The following VPS13B variants were observed in gnomAD, a reference collection of about 807,000 sequenced individuals.
VPS13B encodes intermembrane lipid transfer protein VPS13B.
A neutral mutation model predicts 426.4 loss-of-function variants in VPS13B; 285 were observed. The observed-to-expected ratio is 0.67, with a 90% CI of 0.61 to 0.74. The LOEUF (loss-of-function observed/expected upper bound fraction) is 0.74, where lower values mean the gene tolerates loss of function less well. VPS13B is among the 30% of genes least tolerant of loss of function. VPS13B has a pLI of 0.00. For synonymous variants in VPS13B, 1,676 were observed against 1,676.4 expected (o/e 1.00, Z 0.01); for missense variants, 4,537 against 4,782.6 (o/e 0.95, Z 1.51).
intron 39 of VPS13B, among the ~76,000 whole-genome samples, chr8:99,728,077 G>A (rs747758471): frequency 2.6e-5 from 4 of 152,188 alleles, no homozygotes; most frequent in Non-Finnish European, 5.9e-5. Flanking sequence ...CAGACTGCTT[G>A]GCAGTTATAC....
intron 17 of VPS13B, chr8:99,233,326 A>C: frequency 9.2e-7 from 1 of 1,084,664 alleles, no homozygotes; most frequent in Non-Finnish European, 1.4e-6. Context: ...TTCCAGCTTC[A>C]CTTCTTCTTT....
Position 99,876,758 on chromosome 8 carries a change from C to G in VPS13B, c.*1092C>G, listed in dbSNP as rs1817718045. 1 of 152,154 alleles carries G rather than the reference C, an allele frequency of 6.6e-6. No individual in the cohort carries two copies. Among genetic ancestry groups the G allele is most frequent in the Non-Finnish European group, 1.5e-5 (1 of 68,028 alleles). The allele number at this position is 152,154 out of a possible 1,614,324, so 9.4% of individuals were successfully genotyped here. ...TTTCTTACAGTCCAGTAGCTTAGAG[C>G]ATGTTTGCTGATTGATATTACATTT... is the stretch of plus-strand genomic sequence containing the variant. On this transcript the variant is annotated 3_prime_UTR_variant, in exon 62 of 62. Transcript: ENST00000357162.
chr8:99,558,590 T>A (rs1324096157), intron 31 of VPS13B, among the ~76,000 whole-genome samples: 2 of 152,008 alleles, frequency 1.3e-5, no homozygotes, highest in Non-Finnish European at 2.9e-5. Flanking sequence ...CCCCAGTATG[T>A]GATGCTCCCC....
chr8:99,417,962 G>A (rs1816125493), intron 21 of VPS13B, among the ~76,000 whole-genome samples: 1 of 152,088 alleles, frequency 6.6e-6, no homozygotes, highest in South Asian at 2.1e-4. Context: ...AATAAAAAAA[G>A]AAACCTAGGT....
intron 14 of VPS13B, among the ~76,000 whole-genome samples, chr8:99,151,469 C>T (rs1811074868): frequency 6.6e-6 from 1 of 151,948 alleles, no homozygotes; most frequent in African/African-American, 2.4e-5. Context: ...CAGCTTGTAT[C>T]CTTTACGAAT....
chr8:99,427,395 G>A (rs544021050), intron 21 of VPS13B, among the ~76,000 whole-genome samples: 588 of 145,238 alleles, frequency 4.0e-3, no homozygotes, highest in Non-Finnish European at 6.6e-3. Flanking sequence ...TTGGCAATGC[G>A]GGCTCTTTTT....
intron 44 of VPS13B, among the ~76,000 whole-genome samples, chr8:99,811,735 A>C (rs1299580574): frequency 6.6e-6 from 1 of 152,124 alleles, no homozygotes. Context: ...TCCGCTTGCT[A>C]GCTGTGTGAT....
intron 17 of VPS13B, among the ~76,000 whole-genome samples, chr8:99,220,536 C>T (rs927612517): frequency 6.6e-6 from 1 of 152,076 alleles, no homozygotes; most frequent in Non-Finnish European, 1.5e-5. Flanking sequence ...TTCTCTAAGA[C>T]ACAGAAGAAG....
chr8:99,152,129 G>A (rs1182395860), intron 14 of VPS13B, among the ~76,000 whole-genome samples: 1 of 151,872 alleles, frequency 6.6e-6, no homozygotes, highest in Non-Finnish European at 1.5e-5. Context: ...TTCCTTTTTT[G>A]TAATATATGA....
At chr8:99,077,894 T>TA (rs746785614) in intron 3 of VPS13B, among the ~76,000 whole-genome samples, 1 of 152,138 alleles carries the variant, frequency 6.6e-6, no homozygotes, top group African/African-American at 2.4e-5. Context: ...GTTAGATATT[T>TA]AAAAAAGAAA....
intron 3 of VPS13B, among the ~76,000 whole-genome samples, chr8:99,063,814 C>A (rs891079336): frequency 6.6e-6 from 1 of 152,162 alleles, no homozygotes; most frequent in South Asian, 2.1e-4. Context: ...AGACACCTCC[C>A]AGTAGGGGCC....
At chr8:99,263,808 G>T (rs756207872) in intron 17 of VPS13B, among the ~76,000 whole-genome samples, 1 of 152,072 alleles carries the variant, frequency 6.6e-6, no homozygotes, top group Non-Finnish European at 1.5e-5. Context: ...AGGTCCTGAG[G>T]TTTAGCATAT....
intron 3 of VPS13B, among the ~76,000 whole-genome samples, chr8:99,067,137 T>C (rs941674493): frequency 6.6e-6 from 1 of 152,196 alleles, no homozygotes; most frequent in Non-Finnish European, 1.5e-5. Flanking sequence ...GCCATCCCGT[T>C]ACTAGGTATA....
intron 33 of VPS13B, among the ~76,000 whole-genome samples, chr8:99,638,040 T>A (rs1829140169): frequency 6.6e-6 from 1 of 152,150 alleles, no homozygotes; most frequent in Non-Finnish European, 1.5e-5. Flanking sequence ...ATGTGAGAAT[T>A]CCTAGTTGGT....
At chr8:99,290,048 T>C (rs1819645863) in intron 19 of VPS13B, among the ~76,000 whole-genome samples, 1 of 152,018 alleles carries the variant, frequency 6.6e-6, no homozygotes, top group East Asian at 1.9e-4. Flanking sequence ...TAAATGGCCA[T>C]TTTCAGGTGA....
At chr8:99,110,453 T>C (rs1284635286) in intron 5 of VPS13B, among the ~76,000 whole-genome samples, 1 of 152,110 alleles carries the variant, frequency 6.6e-6, no homozygotes, top group Non-Finnish European at 1.5e-5. Context: ...TCTTTATTAA[T>C]TAATGTGGTG....
intron 27 of VPS13B, among the ~76,000 whole-genome samples, chr8:99,505,804 T>C (rs188705230): frequency 2.0e-5 from 3 of 152,270 alleles, no homozygotes; most frequent in African/African-American, 7.2e-5. Context: ...ACATAATATC[T>C]GCACTATGCA....
chr8:99,199,966 G>T (rs1172164154), intron 17 of VPS13B, among the ~76,000 whole-genome samples: 2 of 151,808 alleles, frequency 1.3e-5, no homozygotes, highest in East Asian at 3.9e-4. Context: ...TCACAGAGTT[G>T]TATATCCATT....
chr8:99,655,642 C>T (rs1829995064), intron 34 of VPS13B, among the ~76,000 whole-genome samples: 1 of 152,174 alleles, frequency 6.6e-6, no homozygotes, highest in Admixed American at 6.5e-5. Context: ...TCCATCCTTC[C>T]CATCCTCTGC....
Sources: gnomAD v4.1 joint callset for allele counts (sites outside exome capture counted in the v4.1 genomes callset) on GRCh38, gnomAD v4.1.1 for gene constraint, MANE v1.5 for transcripts, NCBI Gene and HGNC (gene_info 2026-07-23, HGNC 2026-07-21) for gene names.